GSTO2: variants seen among roughly 807,000 people sequenced by gnomAD.
GSTO2 encodes the protein glutathione S-transferase omega 2.
A neutral mutation model predicts 28.4 loss-of-function variants in GSTO2; 23 were observed. The observed-to-expected ratio is 0.81, with a 90% CI of 0.58 to 1.15. The LOEUF is 1.15. Among genes scored for constraint, GSTO2 ranks in the 50% most tolerant of loss-of-function variants. The probability of loss-of-function intolerance (pLI) is 0.00; values close to 1 mark genes in which losing one functional copy is unlikely to be tolerated. For synonymous variants in GSTO2, 109 were observed against 111.0 expected, an observed-to-expected ratio of 0.98 and a Z score of 0.11; for missense variants, 298 against 297.8, an observed-to-expected ratio of 1.00 and a Z score of 0.00.
intron 5 of GSTO2, among the ~76,000 whole-genome samples, chr10:104,293,752 T>C (rs1489081299): frequency 6.6e-6 from 1 of 151,846 alleles, no homozygotes; most frequent in Non-Finnish European, 1.5e-5. Context: ...TTCGTATTGT[T>C]TGTAGAGACG....
chr10:104,301,863 GTCA>G lies in GSTO2; in HGVS notation c.*2584_*2586del, dbSNP rs2013269660. The G allele has an allele frequency of 6.6e-6, 1 of 152,178 alleles. No individual in the cohort carries two copies. The highest frequency in any genetic ancestry group is 1.5e-5 in the Non-Finnish European group (1 of 68,060). 9.4% of individuals were successfully genotyped at this position (152,178 alleles called of 1,614,324 possible). A position where few individuals can be genotyped will look rare whatever the true frequency, so the allele number is the denominator to read the frequency against. The stretch of plus-strand genomic sequence containing the variant: ...CAAAGTGCTGGGATTATAGGTCTGA[GTCA>G]TCATGCCTGGTGGGTGTCTATCTTA... On this transcript the variant is annotated 3_prime_UTR_variant, in exon 7 of 7. Transcript: ENST00000338595.
At chr10:104,273,265 C>T (rs574621406) in intron 1 of GSTO2, among the ~76,000 whole-genome samples, 14 of 149,714 alleles carry the variant, frequency 9.4e-5, no homozygotes, top group Admixed American at 2.0e-4. Context: ...CGTAGCAAGC[C>T]GGGAACCAAT....
chr10:104,275,181 G>A (rs1173271405), intron 2 of GSTO2, 45 bp from the exon 3 acceptor site: 2 of 1,571,176 alleles, frequency 1.3e-6, no homozygotes, highest in Non-Finnish European at 1.7e-6. Context: ...TCACCGGGCT[G>A]ACTAGCCTCT....
At chr10:104,287,533 C>G (rs2012505823) in intron 5 of GSTO2, among the ~76,000 whole-genome samples, 1 of 152,162 alleles carries the variant, frequency 6.6e-6, no homozygotes, top group Non-Finnish European at 1.5e-5. Context: ...TGAGGTAAAT[C>G]TATGTGTACT....
rs550077218 is a variant in GSTO2, at chr10:104,298,230, T to G, written c.575+546T>G. Among the ~76,000 whole-genome samples the G allele has an allele frequency of 2.0e-5, 3 of 152,252 alleles. No individual in the cohort carries two copies. The South Asian group carries it at 6.2e-4, about 32-fold the overall frequency. On this transcript the variant is annotated intron_variant, in intron 6 of 6. Transcript: ENST00000338595. ...AAGGAGAAGAAATAGCTGTGTAGGC[T>G]CCTGGGCAGAGCAGTGCTGTGTTAC...
intron 2 of GSTO2, 74 bp from the exon 3 acceptor site, chr10:104,275,152 A>G: frequency 6.5e-7 from 1 of 1,541,088 alleles, no homozygotes; most frequent in Non-Finnish European, 8.7e-7. Context: ...GGATCTGGGC[A>G]AGTGAGCGAG....
chr10:104,279,552 G>A, intron 5 of GSTO2, 81 bp downstream of exon 5: 1 of 814,504 alleles, frequency 1.2e-6, no homozygotes, highest in Non-Finnish European at 2.1e-6. Context: ...TCTAACACCA[G>A]CTTTCACAGG....
chr10:104,285,667 T>C (rs2012381051), intron 5 of GSTO2, among the ~76,000 whole-genome samples: 1 of 152,054 alleles, frequency 6.6e-6, no homozygotes, highest in African/African-American at 2.4e-5. Context: ...GAGGTCTCAC[T>C]ATGTTGCTCA....
At chr10:104,283,082 G>A (rs2012181043) in intron 5 of GSTO2, among the ~76,000 whole-genome samples, 1 of 152,340 alleles carries the variant, frequency 6.6e-6, no homozygotes, top group Middle Eastern at 3.4e-3. Flanking sequence ...AGCTACCAAT[G>A]TGCTATTTCT....
At chr10:104,270,348 G>C (rs910877456) in intron 1 of GSTO2, among the ~76,000 whole-genome samples, 1 of 151,068 alleles carries the variant, frequency 6.6e-6, no homozygotes, top group African/African-American at 2.5e-5. Context: ...TTATTCGTGG[G>C]ATTTAACAGG....
Position 104,279,976 on chromosome 10 carries a change from A to T in GSTO2, c.468+505A>T, listed in dbSNP as rs541064699. ...CTAGAAGTTTAAGACCAGCCTAGGC[A>T]ACATAGCAAGACCCCTCCTCTACAA... On this transcript the variant is annotated intron_variant, in intron 5 of 6. Transcript: ENST00000338595. Among the ~76,000 whole-genome samples, 30 of 152,208 alleles carry T rather than the reference A, an allele frequency of 2.0e-4. No homozygotes were observed. In the South Asian group the frequency reaches 5.8e-3, roughly 29 times the overall value.
At chr10:104,283,180 G>A (rs2135113559) in intron 5 of GSTO2, among the ~76,000 whole-genome samples, 1 of 152,176 alleles carries the variant, frequency 6.6e-6, no homozygotes, top group East Asian at 1.9e-4. Flanking sequence ...TGAGCCCCAG[G>A]AACACTGTTG....
In GSTO2 at chr10:104,280,165, CAAAAAAAA is replaced by C. The variant is rs56803318; in HGVS notation, c.468+713_468+720del. ...TGGGTGACAGAGTAAGTAGGACTGA[CAAAAAAAA>C]AAAAAAAAAAAAAAAAAAGCCAGAG... is the stretch of plus-strand genomic sequence containing the variant. On this transcript the variant is annotated intron_variant, in intron 5 of 6. Transcript: ENST00000338595. Among the ~76,000 whole-genome samples, 8 of 57,076 alleles carry C rather than the reference CAAAAAAAA, an allele frequency of 1.4e-4. No individual in the cohort carries two copies. The South Asian group carries it at 2.8e-3, about 20-fold the overall frequency. 37.4% of individuals were successfully genotyped at this position (57,076 alleles called of 152,430 possible).
Position 104,275,139 on chromosome 10 carries a change from T to C in GSTO2, c.35-87T>C, listed in dbSNP as rs190622084. ...GGGAGTTGGAGCTCCCACAGCCATCTTGGGATCTGGGCAAGTGAGCGAGCT... is the reference window on the plus strand; with the variant it reads ...GGGAGTTGGAGCTCCCACAGCCATCCTGGGATCTGGGCAAGTGAGCGAGCT... On this transcript the variant is annotated intron_variant, in intron 2 of 6. Coordinates refer to ENST00000338595, the MANE Select transcript of GSTO2 (RefSeq NM_183239.2). 13 of 1,528,566 alleles carry C rather than the reference T, an allele frequency of 8.5e-6. No individual in the cohort carries two copies. The East Asian group carries it at 1.6e-4, about 19-fold the overall frequency. 94.7% of individuals were successfully genotyped at this position (1,528,566 alleles called of 1,614,324 possible).
At chr10:104,276,140 C>T (rs1416798226) in intron 3 of GSTO2, among the ~76,000 whole-genome samples, 1 of 152,176 alleles carries the variant, frequency 6.6e-6, no homozygotes, top group African/African-American at 2.4e-5. Flanking sequence ...GAGTCCATCA[C>T]AAGGGGGTGA....
chr10:104,299,083 A>T (rs754382531), intron 6 of GSTO2, 45 bp from the exon 7 acceptor site: 1 of 1,501,496 alleles, frequency 6.7e-7, no homozygotes, highest in Admixed American at 2.5e-5. Flanking sequence ...CCCTTTCCTG[A>T]TGCCTACCCC....
intron 3 of GSTO2, 113 bp from the exon 4 acceptor site, chr10:104,277,781 A>G: frequency 1.5e-6 from 1 of 672,036 alleles, no homozygotes; most frequent in Admixed American, 2.7e-5. Context: ...AAACCTTAAA[A>G]CACTAATTGC....
intron 5 of GSTO2, among the ~76,000 whole-genome samples, chr10:104,280,060 G>C (rs1003387422): frequency 5.3e-5 from 8 of 150,242 alleles, no homozygotes; most frequent in Admixed American, 2.7e-4. Flanking sequence ...CAGCTACTTA[G>C]GAGGCTGAGG....
At position 104,304,573 on chromosome 10, in the gene GSTO2, T is replaced by C. The variant is rs542849021; in HGVS notation, c.*5289T>C. On this transcript the variant is annotated 3_prime_UTR_variant, in exon 7 of 7. Transcript: ENST00000338595. ...ATGGGACGGCTAAGTACCTATTTCA[T>C]TGGGCTGTTGAATAATGATGGTCTC... 6.6e-6 allele frequency: 1 copy of C among 152,204 alleles called. No individual in the cohort carries two copies. Among genetic ancestry groups the C allele is most frequent in the Non-Finnish European group, 1.5e-5 (1 of 68,042 alleles). 9.4% of individuals were successfully genotyped at this position (152,204 alleles called of 1,614,324 possible). A position where few individuals can be genotyped will look rare whatever the true frequency, so the allele number is the denominator to read the frequency against.
Sources: allele counts gnomAD v4.1 joint callset (sites outside exome capture counted in the v4.1 genomes callset), GRCh38; gene constraint gnomAD v4.1.1; transcripts MANE v1.5; gene names NCBI Gene and HGNC (gene_info 2026-07-23, HGNC 2026-07-21).